FER: variants seen among roughly 807,000 people sequenced by gnomAD.
The protein encoded by FER is FER tyrosine kinase, also known as tyrosine-protein kinase Fer.
In FER, 63 loss-of-function variants were observed where a neutral mutation model predicts 111.0. The ratio of observed to expected loss-of-function variants is 0.57; its 90% CI spans 0.46 to 0.70. FER has a LOEUF of 0.70. Ranked by LOEUF, FER falls within the 30% of genes least tolerant of loss-of-function variation. The pLI is 0.00. For missense variants in FER, 914 were observed against 954.0 expected (o/e 0.96, Z 0.55); for synonymous variants, 327 against 313.9 (o/e 1.04, Z -0.44).
chr5:108,760,588 T>G (rs1180869470), intron 1 of FER, among the ~76,000 whole-genome samples: 1 of 152,200 alleles, frequency 6.6e-6, no homozygotes, highest in Non-Finnish European at 1.5e-5. Flanking sequence ...TGCTTCACCT[T>G]GCACTTTTAT....
intron 13 of FER, among the ~76,000 whole-genome samples, chr5:109,029,425 C>CTTTTT (rs757282669): frequency 3.3e-3 from 172 of 52,154 alleles, no homozygotes; most frequent in African/African-American, 3.7e-3. Flanking sequence ...ATTCATTGTT[C>CTTTTT]TTTTTTTTTT....
At chr5:108,892,344 T>G (rs959672804) in intron 9 of FER, among the ~76,000 whole-genome samples, 11 of 152,314 alleles carry the variant, frequency 7.2e-5, no homozygotes, top group Non-Finnish European at 1.0e-4. Context: ...CCTGACTTTT[T>G]AATGATTGCC....
intron 13 of FER, among the ~76,000 whole-genome samples, chr5:108,995,616 T>C (rs1431399636): frequency 6.6e-6 from 1 of 152,232 alleles, no homozygotes; most frequent in Non-Finnish European, 1.5e-5. Context: ...TATGGCTACT[T>C]AGTATTCCAT....
chr5:108,807,996 G>GT (rs765672336), intron 3 of FER, among the ~76,000 whole-genome samples: 13,218 of 140,102 alleles, frequency 0.094, 641 homozygotes, highest in African/African-American at 0.12. Flanking sequence ...GTATGATTTA[G>GT]TTTTTTTTTT....
At chr5:109,180,709 G>C in intron 17 of FER, 38 bp from the exon 18 acceptor site, 1 of 1,561,830 alleles carries the variant, frequency 6.4e-7, no homozygotes, top group East Asian at 2.3e-5. Flanking sequence ...CTTTCAATTT[G>C]TTTTAATAGG....
chr5:108,928,843 G>A (rs1459548037), intron 10 of FER, among the ~76,000 whole-genome samples: 1 of 151,968 alleles, frequency 6.6e-6, no homozygotes, highest in African/African-American at 2.4e-5. Flanking sequence ...AGAAAGTATG[G>A]TCAAAGTTAG....
intron 5 of FER, among the ~76,000 whole-genome samples, chr5:108,860,170 T>C (rs576828982): frequency 6.6e-6 from 1 of 152,146 alleles, no homozygotes; most frequent in Admixed American, 6.5e-5. Flanking sequence ...CTCAAACTCC[T>C]GACCTCATGA....
At chr5:109,107,984 A>G (rs987586469) in intron 17 of FER, among the ~76,000 whole-genome samples, 2 of 152,128 alleles carry the variant, frequency 1.3e-5, no homozygotes, top group African/African-American at 4.8e-5. Flanking sequence ...TTTTAATAAC[A>G]TGGCTAGACA....
chr5:109,040,533 A>C (rs1771017933), intron 14 of FER, among the ~76,000 whole-genome samples: 1 of 152,106 alleles, frequency 6.6e-6, no homozygotes. Context: ...CAATGAGAGG[A>C]TCACTGATGA....
intron 13 of FER, among the ~76,000 whole-genome samples, chr5:109,017,100 T>C (rs1767249917): frequency 6.6e-6 from 1 of 152,040 alleles, no homozygotes; most frequent in South Asian, 2.1e-4. Flanking sequence ...ATGAACGTGC[T>C]GTTTTCTTAT....
intron 2 of FER, among the ~76,000 whole-genome samples, chr5:108,779,007 G>A (rs1753772338): frequency 7.1e-6 from 1 of 139,892 alleles, no homozygotes; most frequent in African/African-American, 2.7e-5. Flanking sequence ...CTGTGTCTAG[G>A]CTCTTTTTTT....
chr5:108,932,062 G>T (rs1754760973), intron 10 of FER, among the ~76,000 whole-genome samples: 4 of 151,638 alleles, frequency 2.6e-5, no homozygotes, highest in African/African-American at 9.7e-5. Context: ...TGGGATACAT[G>T]TGCAGAATGT....
intron 5 of FER, among the ~76,000 whole-genome samples, chr5:108,863,992 C>T (rs1004359479): frequency 6.6e-6 from 1 of 152,054 alleles, no homozygotes. Flanking sequence ...GAACATGTTT[C>T]TCTTCAGCAG....
chr5:108,949,269 C>T (rs1175651140), intron 11 of FER, among the ~76,000 whole-genome samples: 1 of 151,980 alleles, frequency 6.6e-6, no homozygotes, highest in South Asian at 2.1e-4. Flanking sequence ...TCTAGAAAAG[C>T]GGCCTTGTAC....
chr5:108,897,408 A>T (rs1394346407), intron 9 of FER, among the ~76,000 whole-genome samples: 1 of 152,226 alleles, frequency 6.6e-6, no homozygotes, highest in Non-Finnish European at 1.5e-5. Context: ...AAATAAAATG[A>T]ATGCCATAGA....
At chr5:108,838,465 T>C (rs188305967) in intron 5 of FER, among the ~76,000 whole-genome samples, 6 of 152,234 alleles carry the variant, frequency 3.9e-5, no homozygotes, top group Middle Eastern at 3.4e-3. Flanking sequence ...ATAATTCCTA[T>C]AGTAAGATAA....
chr5:109,130,940 A>G (rs1752288103), intron 17 of FER, among the ~76,000 whole-genome samples: 1 of 152,170 alleles, frequency 6.6e-6, no homozygotes, highest in African/African-American at 2.4e-5. Context: ...TCTAACTGTG[A>G]TATCACTTGC....
intron 3 of FER, among the ~76,000 whole-genome samples, chr5:108,816,610 G>A (rs1164175520): frequency 6.6e-6 from 1 of 152,004 alleles, no homozygotes; most frequent in East Asian, 1.9e-4. Flanking sequence ...AACCCCATTT[G>A]TCCATAAGCC....
At chr5:108,879,512 G>A (rs556267625) in intron 8 of FER, among the ~76,000 whole-genome samples, 7 of 151,574 alleles carry the variant, frequency 4.6e-5, no homozygotes, top group African/African-American at 1.7e-4. Context: ...ACATGATGGT[G>A]AATATTGTAC....
Sources: gnomAD v4.1 joint callset for allele counts (sites outside exome capture counted in the v4.1 genomes callset) on GRCh38, gnomAD v4.1.1 for gene constraint, MANE v1.5 for transcripts, NCBI Gene and HGNC (gene_info 2026-07-23, HGNC 2026-07-21) for gene names.